Variants in PCSK5 observed in about 807,000 individuals in gnomAD.
PCSK5 encodes the protein proprotein convertase subtilisin/kexin type 5.
Under a neutral mutation model 233.2 loss-of-function variants are expected in PCSK5, and 129 were observed. The observed-to-expected ratio is 0.55, with a 90% CI of 0.48 to 0.64. The LOEUF is 0.64. Among genes scored for constraint, PCSK5 ranks in the 30% least tolerant of loss-of-function variants. The pLI is 0.00. For missense variants in PCSK5, 2,076 were observed against 2,430.1 expected, an observed-to-expected ratio of 0.85 and a Z score of 3.06; for synonymous variants, 825 against 879.2, an observed-to-expected ratio of 0.94 and a Z score of 1.09.
intron 9 of PCSK5, among the ~76,000 whole-genome samples, chr9:76,123,010 T>C (rs1021233050): frequency 1.3e-5 from 2 of 151,734 alleles, no homozygotes; most frequent in African/African-American, 4.8e-5. Context: ...GCTATTTTTA[T>C]TATTACTATT....
chr9:76,045,123 T>C (rs951905287), intron 5 of PCSK5, among the ~76,000 whole-genome samples: 4 of 152,234 alleles, frequency 2.6e-5, no homozygotes, highest in South Asian at 2.1e-4. Context: ...CATTTTCAAA[T>C]GTAAGTTATT....
At position 75,908,984 on chromosome 9, in the gene PCSK5, T is replaced by TATCTATCTATC. The variant is rs1361343985; in HGVS notation, c.192+17618_192+17619insTATCATCTATC. ...CTATCTATCTATCTATCTATCTATC[T>TATCTATCTATC]ATCTATCCGATTTTCTCTCCTCTGC... On this transcript the variant is annotated intron_variant, in intron 1 of 37. Transcript: ENST00000674117. 1.8e-4 allele frequency among the ~76,000 whole-genome samples: 25 copies of TATCTATCTATC among 141,810 alleles called. 1 individual carries two copies. In the East Asian group the frequency reaches 4.0e-3, roughly 23 times the overall value. 93.0% of individuals were successfully genotyped at this position (141,810 alleles called of 152,430 possible). A position where few individuals can be genotyped will look rare whatever the true frequency, so the allele number is the denominator to read the frequency against.
chr9:76,078,132 G>A (rs534355416), intron 7 of PCSK5, among the ~76,000 whole-genome samples: 1 of 152,052 alleles, frequency 6.6e-6, no homozygotes, highest in African/African-American at 2.4e-5. Flanking sequence ...TTGTTAATGG[G>A]GTTGTTTTTT....
At chr9:75,968,800 T>C (rs1825699082) in intron 2 of PCSK5, among the ~76,000 whole-genome samples, 2 of 152,168 alleles carry the variant, frequency 1.3e-5, no homozygotes, top group Admixed American at 1.3e-4. Context: ...ACTCAAAAAT[T>C]CTCCATAGTC....
chr9:76,279,622 A>G (rs7855966), intron 24 of PCSK5, among the ~76,000 whole-genome samples: 16,647 of 148,408 alleles, frequency 0.11, 1,254 homozygotes, highest in African/African-American at 0.22. Context: ...GTGTGAGATG[A>G]TATCTCATTG....
intron 24 of PCSK5, among the ~76,000 whole-genome samples, chr9:76,265,707 T>A (rs564079005): frequency 2.2e-4 from 34 of 152,274 alleles, no homozygotes; most frequent in Admixed American, 1.2e-3. Flanking sequence ...CACTGAAATG[T>A]TTATGGGTAA....
chr9:75,965,626 C>T (rs966791843), intron 2 of PCSK5, among the ~76,000 whole-genome samples: 4 of 152,146 alleles, frequency 2.6e-5, no homozygotes, highest in Non-Finnish European at 4.4e-5. Flanking sequence ...CCCACCAATT[C>T]GATGCTGATC....
chr9:76,216,496 A>C (rs1825538217), intron 20 of PCSK5, among the ~76,000 whole-genome samples: 1 of 152,154 alleles, frequency 6.6e-6, no homozygotes, highest in South Asian at 2.1e-4. Flanking sequence ...TGTCACAAAC[A>C]ATATTATATT....
intron 5 of PCSK5, among the ~76,000 whole-genome samples, chr9:76,051,963 C>T (rs1829645934): frequency 6.6e-6 from 1 of 152,156 alleles, no homozygotes; most frequent in Admixed American, 6.5e-5. Context: ...GGAAAATCAT[C>T]ATGGCATAAC....
At chr9:76,234,999 C>T (rs374079436) in intron 22 of PCSK5, among the ~76,000 whole-genome samples, 11 of 152,290 alleles carry the variant, frequency 7.2e-5, no homozygotes, top group East Asian at 1.9e-4. Context: ...AACCTGGGAA[C>T]GCTGCACTTC....
chr9:75,943,181 G>A (rs72728975), intron 2 of PCSK5, among the ~76,000 whole-genome samples: 9,761 of 152,058 alleles, frequency 0.064, 440 homozygotes, highest in Admixed American at 0.12. Flanking sequence ...CACCATGCCC[G>A]GCCTATGTGA....
chr9:76,112,442 G>C (rs756435336), intron 9 of PCSK5, among the ~76,000 whole-genome samples: 9 of 152,096 alleles, frequency 5.9e-5, no homozygotes, highest in Non-Finnish European at 8.8e-5. Flanking sequence ...TTCTACAGTA[G>C]AAATACACCT....
chr9:75,962,420 T>A (rs1359458653), intron 2 of PCSK5, among the ~76,000 whole-genome samples: 1 of 152,130 alleles, frequency 6.6e-6, no homozygotes, highest in Admixed American at 6.5e-5. Flanking sequence ...GCACATGGGG[T>A]GAGAGTCTTG....
chr9:75,962,162 G>A (rs1825381628), intron 2 of PCSK5, among the ~76,000 whole-genome samples: 2 of 152,206 alleles, frequency 1.3e-5, no homozygotes, highest in South Asian at 2.1e-4. Flanking sequence ...TGTGGTCAGG[G>A]AAGACCTCTC....
At chr9:76,262,223 T>A (rs1827197797) in intron 24 of PCSK5, among the ~76,000 whole-genome samples, 1 of 152,110 alleles carries the variant, frequency 6.6e-6, no homozygotes, top group Admixed American at 6.6e-5. Flanking sequence ...ATAGATTCAA[T>A]GCCATCCCCA....
In PCSK5 at chr9:76,176,468, T is replaced by C. The variant is rs1021286562; in HGVS notation, c.1900+1339T>C. On this transcript the variant is annotated intron_variant, in intron 14 of 37. Coordinates refer to ENST00000674117, the MANE Select transcript of PCSK5 (RefSeq NM_001372043.1). ...TCCCATTTCCATAGCAATTATTGCC[T>C]TATTATTCTTCCAGATGAATTTTAG... Among the ~76,000 whole-genome samples the C allele has an allele frequency of 2.0e-5, 3 of 152,346 alleles. No homozygotes were observed. In the South Asian group the frequency reaches 6.2e-4, roughly 32 times the overall value.
At chr9:76,322,482 G>A (rs1166333127) in intron 31 of PCSK5, among the ~76,000 whole-genome samples, 1 of 152,012 alleles carries the variant, frequency 6.6e-6, no homozygotes, top group Non-Finnish European at 1.5e-5. Flanking sequence ...CATTTAACTG[G>A]TGCTGTCCTA....
At chr9:76,009,685 A>T (rs1827645468) in intron 3 of PCSK5, among the ~76,000 whole-genome samples, 4 of 151,840 alleles carry the variant, frequency 2.6e-5, no homozygotes, top group Admixed American at 2.6e-4. Context: ...CACAAGGTGG[A>T]GTGTATATAT....
chr9:76,278,185 G>A (rs1827750936), intron 24 of PCSK5, among the ~76,000 whole-genome samples: 1 of 152,090 alleles, frequency 6.6e-6, no homozygotes, highest in South Asian at 2.1e-4. Flanking sequence ...AGTCTCAGGA[G>A]AGCCAAGAAT....
Sources: gnomAD v4.1 joint callset for allele counts (sites outside exome capture counted in the v4.1 genomes callset) on GRCh38, gnomAD v4.1.1 for gene constraint, MANE v1.5 for transcripts, NCBI Gene and HGNC (gene_info 2026-07-23, HGNC 2026-07-21) for gene names.